FAT2: variants seen among roughly 807,000 people sequenced by gnomAD.
The protein encoded by FAT2 is FAT atypical cadherin 2, also known as protocadherin Fat 2.
Under a neutral mutation model 295.3 loss-of-function variants are expected in FAT2, and 150 were observed. The observed-to-expected ratio is 0.51, with a 90% CI of 0.44 to 0.58. The LOEUF (loss-of-function observed/expected upper bound fraction) is 0.58, where lower values mean the gene tolerates loss of function less well. Ranked by LOEUF, FAT2 falls within the 20% of genes least tolerant of loss-of-function variation. The probability of loss-of-function intolerance (pLI) is 0.00; values close to 1 mark genes in which losing one functional copy is unlikely to be tolerated. For missense variants in FAT2, 4,868 were observed against 5,442.7 expected (o/e 0.89, Z 3.32); for synonymous variants, 2,026 against 2,150.3 (o/e 0.94, Z 1.60).
Position 151,521,736 on chromosome 5 carries a change from C to T in FAT2, c.10857G>A (p.Val3619=). Residue 3619 remains valine, a synonymous_variant, in exon 19 of 24, where the codon GTG becomes GTA. Transcript: ENST00000261800. The part of the protein sequence containing the change: ...FTTTAGVHVY[V]WHVGQEALQQ... ...GCAGAGCCTCCTGCCCCACATGCCACACGTACACATGGACCCCAGCAGTCG... is the reference window on the plus strand; with the variant it reads ...GCAGAGCCTCCTGCCCCACATGCCATACGTACACATGGACCCCAGCAGTCG... 6.2e-7 allele frequency: 1 copy of T among 1,614,078 alleles called. No homozygotes were observed.
intron 18 of FAT2, among the ~76,000 whole-genome samples, chr5:151,523,252 A>C (rs1753671229): frequency 6.6e-6 from 1 of 152,062 alleles, no homozygotes; most frequent in African/African-American, 2.4e-5. Flanking sequence ...AGCTAACATT[A>C]GTTACAACAA....
At position 151,566,480 on chromosome 5, in the gene FAT2, G is replaced by GTCC; in HGVS notation, c.2451_2452insGGA (p.Ala817_Pro818insGly). On this transcript the variant is annotated inframe_insertion, in exon 2 of 24. Coordinates refer to ENST00000261800, the MANE Select transcript of FAT2 (RefSeq NM_001447.3). ...TGGTACCCACCGGGAGGAAATCTGG[G>GTCC]TGCGTTGTCATTCCAGTCTTTCACA... 1 of 1,613,870 alleles carries GTCC rather than the reference G, an allele frequency of 6.2e-7. No homozygotes were observed. Among genetic ancestry groups the GTCC allele is most frequent in the Non-Finnish European group, 8.5e-7 (1 of 1,179,904 alleles).
chr5:151,586,596 A>G (rs1759181551), intron 1 of FAT2, among the ~76,000 whole-genome samples: 1 of 152,176 alleles, frequency 6.6e-6, no homozygotes, highest in Non-Finnish European at 1.5e-5. Flanking sequence ...CTTTCCTTAA[A>G]TTGGTGTTCT....
At chr5:151,590,254 C>T (rs114337066) in intron 1 of FAT2, among the ~76,000 whole-genome samples, 647 of 152,342 alleles carry the variant, frequency 4.2e-3, no homozygotes, top group Admixed American at 6.7e-3. Context: ...CAGCCTGCTT[C>T]TTCACCTCCT....
Position 151,534,579 on chromosome 5 carries a change from T to C in FAT2, c.9257A>G (p.Lys3086Arg). The stretch of plus-strand genomic sequence containing the variant: ...CGATCGGCCACCTCCATCCGTCGCC[T>C]TGGCAACAAGGTTGAACACATCCTT... ...ERKDVFNLVA[K>R]ATDGGGRSCQ... Residue 3086 changes from lysine (K) to arginine (R), a missense_variant, in exon 13 of 24, where the codon AAG becomes AGG. Transcript: ENST00000261800. 1.9e-6 allele frequency: 3 copies of C among 1,614,050 alleles called. No individual in the cohort carries two copies. Among genetic ancestry groups the C allele is most frequent in the Non-Finnish European group, 2.5e-6 (3 of 1,179,998 alleles).
chr5:151,515,700 T>C (rs1054106574), intron 20 of FAT2, among the ~76,000 whole-genome samples: 2 of 152,180 alleles, frequency 1.3e-5, no homozygotes, highest in Admixed American at 1.3e-4. Flanking sequence ...GTAGAATCTA[T>C]CTTCTTTCCA....
chr5:151,510,460 C>T, intron 21 of FAT2: 1 of 270,538 alleles, frequency 3.7e-6, no homozygotes, highest in East Asian at 7.0e-5. Context: ...AGTCACTGTT[C>T]CAAGGATCTT....
At chr5:151,563,284 A>T (rs1239384697) in intron 3 of FAT2, 41 bp downstream of exon 3, 1 of 1,586,110 alleles carries the variant, frequency 6.3e-7, no homozygotes, top group Non-Finnish European at 8.6e-7. Flanking sequence ...GAGAACCACC[A>T]TTGTAGAGAT....
upstream of FAT2, among the ~76,000 whole-genome samples, chr5:151,592,340 C>G (rs373869686): frequency 2.0e-5 from 3 of 152,138 alleles, no homozygotes; most frequent in Non-Finnish European, 4.4e-5. Context: ...TCCCAGACAC[C>G]GTACTAGGCC....
chr5:151,507,076 G>A, intron 23 of FAT2, 78 bp downstream of exon 23: 1 of 1,299,012 alleles, frequency 7.7e-7, no homozygotes, highest in Non-Finnish European at 1.1e-6. Context: ...AAATGCCTGT[G>A]CCTCAGATAA....
intron 1 of FAT2, among the ~76,000 whole-genome samples, chr5:151,574,248 G>T (rs556563132): frequency 6.6e-6 from 1 of 152,262 alleles, no homozygotes; most frequent in East Asian, 1.9e-4. Context: ...CCTAAGCCCC[G>T]TGGACCTTTT....
chr5:151,569,963 T>G (rs1315630174), intron 1 of FAT2, among the ~76,000 whole-genome samples: 1 of 152,284 alleles, frequency 6.6e-6, no homozygotes, highest in Non-Finnish European at 1.5e-5. Flanking sequence ...TTTAACCTCA[T>G]GAGCCTTCAT....
upstream of FAT2, among the ~76,000 whole-genome samples, chr5:151,593,092 A>G (rs552244725): frequency 2.2e-4 from 34 of 152,310 alleles, no homozygotes; most frequent in African/African-American, 8.2e-4. Context: ...GCCCCGGATG[A>G]GAGGCCCAGG....
chr5:151,573,514 C>T (rs144628269), intron 1 of FAT2, among the ~76,000 whole-genome samples: 126 of 152,180 alleles, frequency 8.3e-4, no homozygotes, highest in African/African-American at 2.9e-3. Flanking sequence ...ATTAGCTGGG[C>T]GCAGTGGCAT....
rs889742466 is a variant in FAT2 at position 151,543,412 on chromosome 5, T to G, written c.7715A>C (p.Lys2572Thr). Residue 2572 changes from lysine (K) to threonine (T), a missense_variant, in exon 10 of 24, where the codon AAG becomes ACG. By Grantham distance (78) the Lys-to-Thr change is moderately conservative (BLOSUM62 -1). Transcript: ENST00000261800. ...GTCATTTTCATCTGTGAGGATGATC[T>G]TCACCGTGCAGAAGGCTACTCTTCC... ...GGGRVAFCTV[K>T]IILTDENDNP... The G allele has an allele frequency of 6.2e-7, 1 of 1,614,066 alleles. No individual in the cohort carries two copies.
Position 151,504,119 on chromosome 5 carries a change from T to TAA in FAT2, c.*1444_*1445dup, listed in dbSNP as rs34375602. On this transcript the variant is annotated 3_prime_UTR_variant, in exon 24 of 24. Coordinates refer to ENST00000261800, the MANE Select transcript of FAT2 (RefSeq NM_001447.3). ...ACAGTAAAAAAAGATACTTTATTGTTAAAAAAAAAATGACCAATGAAACTA... is the reference window on the plus strand; with the variant it reads ...ACAGTAAAAAAAGATACTTTATTGTTAAAAAAAAAAAATGACCAATGAAACTA... 1.1e-4 allele frequency: 16 copies of TAA among 150,444 alleles called. No individual in the cohort carries two copies. The highest frequency in any genetic ancestry group is 4.2e-4 in the South Asian group (2 of 4,746). The allele number at this position is 150,444 out of a possible 1,614,324, so 9.3% of individuals were successfully genotyped here.
At chr5:151,594,032 T>C (rs1339734970), upstream of FAT2, among the ~76,000 whole-genome samples, 1 of 152,090 alleles carries the variant, frequency 6.6e-6, no homozygotes, top group Non-Finnish European at 1.5e-5. Context: ...TAACAGCTCA[T>C]CTTTATGTCA....
chr5:151,530,954 G>C (rs1754526655), intron 14 of FAT2, among the ~76,000 whole-genome samples: 1 of 152,184 alleles, frequency 6.6e-6, no homozygotes, highest in African/African-American at 2.4e-5. Context: ...AGCTGTTTGG[G>C]GAGGTAGAGA....
At chr5:151,589,811 G>A (rs1329212026) in intron 1 of FAT2, among the ~76,000 whole-genome samples, 2 of 152,162 alleles carry the variant, frequency 1.3e-5, no homozygotes, top group Non-Finnish European at 2.9e-5. Flanking sequence ...TGATGTGGGA[G>A]GATTGCTTGG....
Sources: gnomAD v4.1 joint callset for allele counts (sites outside exome capture counted in the v4.1 genomes callset) on GRCh38, gnomAD v4.1.1 for gene constraint, MANE v1.5 for transcripts, NCBI Gene and HGNC (gene_info 2026-07-23, HGNC 2026-07-21) for gene names.